DYNC1I1: variants seen among roughly 807,000 people sequenced by gnomAD.
DYNC1I1 encodes cytoplasmic dynein 1 intermediate chain 1.
A neutral mutation model predicts 86.6 loss-of-function variants in DYNC1I1; 43 were observed. That is an observed-to-expected ratio of 0.50 (90% CI 0.39 to 0.64). DYNC1I1 has a LOEUF of 0.64. Ranked by LOEUF, DYNC1I1 falls within the 30% of genes least tolerant of loss-of-function variation. The pLI, the probability that DYNC1I1 is intolerant of heterozygous loss-of-function variation, is 0.00. For synonymous variants in DYNC1I1, 262 were observed against 283.7 expected (o/e 0.92, Z 0.77); for missense variants, 604 against 788.8 (o/e 0.77, Z 2.81).
intron 10 of DYNC1I1, among the ~76,000 whole-genome samples, chr7:96,012,889 T>G (rs1794309042): frequency 6.6e-6 from 1 of 152,110 alleles, no homozygotes; most frequent in South Asian, 2.1e-4. Context: ...CTTTTTTTAT[T>G]ATTTTTTTAA....
At chr7:95,977,403 T>C in intron 6 of DYNC1I1, 109 bp from the exon 7 acceptor site, 1 of 842,756 alleles carries the variant, frequency 1.2e-6, no homozygotes, top group Non-Finnish European at 1.8e-6. Context: ...TACTTAGATG[T>C]TGCCCTAAAT....
At chr7:96,043,412 T>A (rs1277076866) in intron 14 of DYNC1I1, among the ~76,000 whole-genome samples, 1 of 151,784 alleles carries the variant, frequency 6.6e-6, no homozygotes, top group African/African-American at 2.4e-5. Context: ...AAACATTAAA[T>A]AACACCACAG....
intron 5 of DYNC1I1, among the ~76,000 whole-genome samples, chr7:95,868,713 T>C (rs751033239): frequency 1.3e-5 from 2 of 152,220 alleles, no homozygotes; most frequent in Non-Finnish European, 2.9e-5. Flanking sequence ...TATGTACATA[T>C]GACTACATAA....
intron 11 of DYNC1I1, among the ~76,000 whole-genome samples, chr7:96,031,052 G>A (rs771917998): frequency 6.6e-6 from 1 of 152,312 alleles, no homozygotes; most frequent in East Asian, 1.9e-4. Context: ...ACGGGGGAAA[G>A]AGGTGATATA....
rs1230886288 is a variant in DYNC1I1, at chr7:95,932,915, C to G, written c.491-44597C>G. On this transcript the variant is annotated intron_variant, in intron 6 of 16. Coordinates refer to ENST00000447467, the MANE Select transcript of DYNC1I1 (RefSeq NM_001135556.2). Reference sequence around the variant, plus strand: ...TTTTTTGAGATGACAATGTCTCACTCTATTGCCCAGACTTGAGTACAGTGG... The same window carrying G: ...TTTTTTGAGATGACAATGTCTCACTGTATTGCCCAGACTTGAGTACAGTGG... Among the ~76,000 whole-genome samples the G allele has an allele frequency of 2.9e-5, 4 of 138,716 alleles. No individual in the cohort carries two copies. The South Asian group carries it at 8.9e-4, about 31-fold the overall frequency. The allele number at this position is 138,716 out of a possible 152,430, so 91.0% of individuals were successfully genotyped here. A position where few individuals can be genotyped will look rare whatever the true frequency, so the allele number is the denominator to read the frequency against.
chr7:95,855,611 G>A (rs1013394668), intron 5 of DYNC1I1, among the ~76,000 whole-genome samples: 13 of 152,180 alleles, frequency 8.5e-5, no homozygotes, highest in African/African-American at 2.4e-4. Context: ...TTACACAAGC[G>A]TTGATGGAAT....
intron 16 of DYNC1I1, among the ~76,000 whole-genome samples, chr7:96,092,592 C>A (rs968274697): frequency 6.6e-6 from 1 of 152,026 alleles, no homozygotes; most frequent in Non-Finnish European, 1.5e-5. Context: ...TACAGGACAC[C>A]CAGGCAAGGC....
intron 4 of DYNC1I1, chr7:95,818,810 A>G (rs1246787212): frequency 3.2e-6 from 1 of 315,486 alleles, no homozygotes; most frequent in Non-Finnish European, 5.7e-6. Context: ...GTCATCATAT[A>G]TAATGATAAA....
chr7:95,850,588 G>C (rs959001852), intron 5 of DYNC1I1, among the ~76,000 whole-genome samples: 2 of 152,150 alleles, frequency 1.3e-5, no homozygotes, highest in Non-Finnish European at 2.9e-5. Flanking sequence ...CCATGTTTCT[G>C]TTCATGTTTG....
At chr7:95,797,058 T>G (rs77235101) in intron 1 of DYNC1I1, among the ~76,000 whole-genome samples, 25 of 152,186 alleles carry the variant, frequency 1.6e-4, no homozygotes, top group Admixed American at 1.6e-3. Context: ...ATGTCCTTCA[T>G]AAAGCAGAAA....
intron 6 of DYNC1I1, among the ~76,000 whole-genome samples, chr7:95,915,366 G>C (rs769994617): frequency 6.6e-6 from 1 of 152,046 alleles, no homozygotes; most frequent in East Asian, 1.9e-4. Flanking sequence ...TGGGTTGCTG[G>C]GATTTGAACT....
chr7:96,037,990 T>A (rs1395183887), intron 13 of DYNC1I1, among the ~76,000 whole-genome samples: 1 of 152,188 alleles, frequency 6.6e-6, no homozygotes, highest in African/African-American at 2.4e-5. Context: ...GTCCTCATTT[T>A]GCACCCTATA....
chr7:95,790,004 G>A (rs1394221965), intron 1 of DYNC1I1, among the ~76,000 whole-genome samples: 1 of 152,126 alleles, frequency 6.6e-6, no homozygotes, highest in East Asian at 1.9e-4. Context: ...TAACTCACCA[G>A]TGGGTTGCAA....
intron 10 of DYNC1I1, among the ~76,000 whole-genome samples, chr7:96,004,457 A>G (rs1003342903): frequency 1.3e-5 from 2 of 152,230 alleles, no homozygotes; most frequent in African/African-American, 2.4e-5. Flanking sequence ...ACCTATGAAC[A>G]ATAAGTTATG....
intron 1 of DYNC1I1, among the ~76,000 whole-genome samples, chr7:95,799,983 T>C (rs1794539540): frequency 6.6e-6 from 1 of 150,802 alleles, no homozygotes; most frequent in African/African-American, 2.4e-5. Flanking sequence ...GAAACAACTT[T>C]TCTTGGGTAT....
chr7:96,051,366 T>C (rs1562986199), intron 14 of DYNC1I1, among the ~76,000 whole-genome samples: 1 of 152,190 alleles, frequency 6.6e-6, no homozygotes, highest in Non-Finnish European at 1.5e-5. Context: ...CTCTCAACTT[T>C]TGGGTCTTAA....
intron 1 of DYNC1I1, among the ~76,000 whole-genome samples, chr7:95,797,029 A>T (rs1794455154): frequency 6.6e-6 from 1 of 152,092 alleles, no homozygotes; most frequent in African/African-American, 2.4e-5. Flanking sequence ...TTAAAAAAAT[A>T]ACTCAGCTTC....
chr7:96,047,552 C>T (rs1254973386), intron 14 of DYNC1I1, among the ~76,000 whole-genome samples: 1 of 152,130 alleles, frequency 6.6e-6, no homozygotes, highest in Non-Finnish European at 1.5e-5. Flanking sequence ...GTCACGTGGA[C>T]CTCAGTGAGA....
At chr7:95,991,665 G>C (rs1393298276) in intron 9 of DYNC1I1, among the ~76,000 whole-genome samples, 1 of 151,910 alleles carries the variant, frequency 6.6e-6, no homozygotes, top group Non-Finnish European at 1.5e-5. Context: ...TGTTGACTGG[G>C]GTAATCTCCA....
Sources: gnomAD v4.1 joint callset for allele counts (sites outside exome capture counted in the v4.1 genomes callset) on GRCh38, gnomAD v4.1.1 for gene constraint, MANE v1.5 for transcripts, NCBI Gene and HGNC (gene_info 2026-07-23, HGNC 2026-07-21) for gene names.